Variants in PAK3 observed in about 807,000 individuals in gnomAD.
The protein encoded by PAK3 is serine/threonine-protein kinase PAK 3.
A neutral mutation model predicts 41.0 loss-of-function variants in PAK3; 4 were observed. The ratio of observed to expected loss-of-function variants is 0.10; its 90% confidence interval spans 0.05 to 0.22. PAK3 has a LOEUF of 0.22. PAK3 is among the 10% of genes least tolerant of loss of function. The pLI is 1.00. For missense variants in PAK3, 205 were observed against 409.9 expected, an observed-to-expected ratio of 0.50 and a Z score of 4.32; for synonymous variants, 146 against 139.6, an observed-to-expected ratio of 1.05 and a Z score of -0.32.
intron 1 of PAK3, among the ~76,000 whole-genome samples, chrX:110,993,386 C>A: frequency 9.0e-6 from 1 of 111,188 alleles, no homozygotes; most frequent in Middle Eastern, 4.7e-3. Context: ...TAAATTTTAG[C>A]CCAGTATTCC....
intron 10 of PAK3, among the ~76,000 whole-genome samples, chrX:111,170,120 A>G (rs972454537): frequency 1.8e-5 from 2 of 110,903 alleles, no homozygotes; most frequent in Admixed American, 9.7e-5. Context: ...AGCAGTAGTA[A>G]TGAGGAAGGA....
intron 10 of PAK3, among the ~76,000 whole-genome samples, chrX:111,171,189 G>T (rs1411541699): frequency 9.0e-6 from 1 of 111,391 alleles, no homozygotes; most frequent in Non-Finnish European, 1.9e-5. Context: ...ATAGAGAGAA[G>T]AGTATGAATA....
chrX:111,199,779 T>C (rs969276616), intron 16 of PAK3, among the ~76,000 whole-genome samples: 4 of 111,990 alleles, frequency 3.6e-5, no homozygotes, highest in South Asian at 7.4e-4. Flanking sequence ...TTGATCTTCA[T>C]GTGATCTTGT....
intron 1 of PAK3, among the ~76,000 whole-genome samples, chrX:110,975,014 G>A (rs2091298211): frequency 8.9e-6 from 1 of 111,775 alleles, no homozygotes; most frequent in African/African-American, 3.3e-5. Context: ...ATACTGAATG[G>A]GCAAAAACTG....
chrX:111,005,332 C>T (rs1401985156), intron 1 of PAK3, among the ~76,000 whole-genome samples: 1 of 111,408 alleles, frequency 9.0e-6, no homozygotes, highest in Middle Eastern at 4.6e-3. Flanking sequence ...TGTCAGCTCC[C>T]CCTCAGACCC....
At chrX:111,174,445 A>G (rs1466873988) in intron 11 of PAK3, among the ~76,000 whole-genome samples, 1 of 111,500 alleles carries the variant, frequency 9.0e-6, no homozygotes, top group African/African-American at 3.3e-5. Context: ...ATTGTATTTG[A>G]ACTTTCCAGG....
At chrX:111,028,343 A>G (rs140000786) in intron 1 of PAK3, among the ~76,000 whole-genome samples, 1,306 of 109,988 alleles carry the variant, frequency 0.012, 14 homozygotes, top group South Asian at 0.049. Context: ...AATCACCACT[A>G]AAGAATTTAT....
At chrX:111,089,648 A>G in intron 1 of PAK3, among the ~76,000 whole-genome samples, 1 of 111,205 alleles carries the variant, frequency 9.0e-6, no homozygotes, top group African/African-American at 3.3e-5. Context: ...GGAAAGGCAC[A>G]GAGATATGAA....
intron 1 of PAK3, among the ~76,000 whole-genome samples, chrX:110,963,172 G>A (rs764636510): frequency 5.3e-5 from 6 of 112,638 alleles, no homozygotes; most frequent in Non-Finnish European, 9.4e-5. Context: ...CTGAGTGATT[G>A]TAGAGCCTAT....
intron 1 of PAK3, among the ~76,000 whole-genome samples, chrX:110,995,269 T>C (rs758772041): frequency 4.3e-4 from 48 of 111,493 alleles, no homozygotes; most frequent in African/African-American, 1.5e-3. Context: ...TTGGATTTTC[T>C]AGTTAGAAAG....
chrX:111,040,009 A>AG (rs1214667915), intron 1 of PAK3, among the ~76,000 whole-genome samples: 3 of 109,203 alleles, frequency 2.7e-5, no homozygotes, highest in African/African-American at 6.7e-5. Context: ...AAAAAAAAAA[A>AG]AAAAGAAGAA....
intron 5 of PAK3, among the ~76,000 whole-genome samples, chrX:111,124,817 T>C (rs1277342456): frequency 1.8e-5 from 2 of 111,115 alleles, no homozygotes; most frequent in African/African-American, 6.5e-5. Flanking sequence ...TGAATCTTCC[T>C]CTCCTTAAGG....
At chrX:111,125,870 A>G (rs1382509572) in intron 5 of PAK3, among the ~76,000 whole-genome samples, 1 of 111,991 alleles carries the variant, frequency 8.9e-6, no homozygotes, top group African/African-American at 3.2e-5. Flanking sequence ...CTTACTGGAC[A>G]GCTAATAAGC....
chrX:110,955,155 C>A (rs769993171), intron 1 of PAK3, among the ~76,000 whole-genome samples: 2 of 112,218 alleles, frequency 1.8e-5, no homozygotes, highest in East Asian at 5.6e-4. Context: ...TGAACATAAC[C>A]AAAGCATGCA....
In PAK3 at chrX:110,996,661, C is replaced by G. The variant is rs186287666; in HGVS notation, c.-28+52033C>G. ...CTCTCTCTCTCTATCTCTCTCTTTC[C>G]CCCACCACCCCACCACCCAACATGC... is the stretch of plus-strand genomic sequence containing the variant. On this transcript the variant is annotated intron_variant, in intron 1 of 14. Transcript: ENST00000425146. 7.2e-4 allele frequency among the ~76,000 whole-genome samples: 80 copies of G among 111,021 alleles called. 2 individuals are homozygous for G. The East Asian group carries it at 0.012, about 17-fold the overall frequency.
intron 1 of PAK3, among the ~76,000 whole-genome samples, chrX:110,949,537 C>T (rs891612033): frequency 2.7e-5 from 3 of 111,290 alleles, no homozygotes; most frequent in Non-Finnish European, 1.9e-5. Flanking sequence ...CATTGTAGGT[C>T]GAGAGCTCTT....
At chrX:111,098,027 T>A (rs1047321735) in intron 3 of PAK3, among the ~76,000 whole-genome samples, 1 of 110,504 alleles carries the variant, frequency 9.0e-6, no homozygotes, top group Non-Finnish European at 1.9e-5. Flanking sequence ...GTAGGAGAGA[T>A]CTGACAGGAA....
intron 1 of PAK3, among the ~76,000 whole-genome samples, chrX:110,998,655 A>G (rs1029869894): frequency 3.6e-5 from 4 of 112,159 alleles, no homozygotes; most frequent in African/African-American, 1.3e-4. Flanking sequence ...AAAAATATTC[A>G]AATGAAAAGA....
intron 1 of PAK3, among the ~76,000 whole-genome samples, chrX:111,052,232 T>C (rs940747408): frequency 7.1e-5 from 8 of 112,418 alleles, no homozygotes; most frequent in African/African-American, 9.7e-5. Flanking sequence ...CCAGCAAGCA[T>C]TGAAGAAGCA....
Sources: allele counts gnomAD v4.1 joint callset (sites outside exome capture counted in the v4.1 genomes callset), GRCh38; gene constraint gnomAD v4.1.1; transcripts MANE v1.5; gene names NCBI Gene and HGNC (gene_info 2026-07-23, HGNC 2026-07-21).